The following PLD5 variants were observed in gnomAD, a reference collection of about 807,000 sequenced individuals.
PLD5 encodes inactive phospholipase D5.
PLD5 carries 36 observed loss-of-function variants against 61.1 expected under a neutral mutation model. The observed-to-expected ratio is 0.59, with a 90% CI of 0.45 to 0.78. The LOEUF (loss-of-function observed/expected upper bound fraction) is 0.78. Ranked by LOEUF, PLD5 falls within the 30% of genes least tolerant of loss-of-function variation. The pLI is 0.00. For missense variants in PLD5, 515 were observed against 644.4 expected (o/e 0.80, Z 2.17); for synonymous variants, 243 against 242.8 (o/e 1.00, Z -0.01).
At chr1:242,244,690 A>T (rs1672260594) in intron 4 of PLD5, among the ~76,000 whole-genome samples, 1 of 152,232 alleles carries the variant, frequency 6.6e-6, no homozygotes, top group Non-Finnish European at 1.5e-5. Context: ...AAAATTCAGC[A>T]GAGCTCACCA....
chr1:242,330,427 T>C (rs960711710), intron 2 of PLD5, among the ~76,000 whole-genome samples: 9 of 152,170 alleles, frequency 5.9e-5, no homozygotes, highest in African/African-American at 1.9e-4. Flanking sequence ...AAGCCTGGAA[T>C]TGTTTGAATC....
Position 242,253,344 on chromosome 1 carries a change from G to T in PLD5, c.607+11993C>A, listed in dbSNP as rs188848487. On this transcript the variant is annotated intron_variant, in intron 4 of 9. Transcript: ENST00000536534. ...TTTTTTTTTTTTAAGACGGAGTCTCGCTCTGTCGCCCAGGCTGGAGTGCAG... is the reference window on the plus strand; with the variant it reads ...TTTTTTTTTTTTAAGACGGAGTCTCTCTCTGTCGCCCAGGCTGGAGTGCAG... Among the ~76,000 whole-genome samples, 799 of 123,314 alleles carry T rather than the reference G, an allele frequency of 6.5e-3. 9 individuals carry two copies. Among genetic ancestry groups the T allele is most frequent in the Non-Finnish European group, 9.6e-3 (599 of 62,326 alleles). The allele number at this position is 123,314 out of a possible 152,430, so 80.9% of individuals were successfully genotyped here. A position where few individuals can be genotyped will look rare whatever the true frequency, so the allele number is the denominator to read the frequency against.
chr1:242,469,180 C>T (rs1667365435), intron 1 of PLD5, among the ~76,000 whole-genome samples: 1 of 152,220 alleles, frequency 6.6e-6, no homozygotes, highest in Admixed American at 6.5e-5. Context: ...AAGTGCATTT[C>T]TACAAGTGGG....
At chr1:242,293,781 A>G (rs550578521) in intron 2 of PLD5, among the ~76,000 whole-genome samples, 31 of 152,274 alleles carry the variant, frequency 2.0e-4, no homozygotes, top group African/African-American at 7.5e-4. Context: ...TAATGATCCT[A>G]TTTACCTGCT....
At chr1:242,098,756 T>A (rs573753995) in intron 9 of PLD5, among the ~76,000 whole-genome samples, 5 of 152,274 alleles carry the variant, frequency 3.3e-5, no homozygotes, top group Admixed American at 2.0e-4. Flanking sequence ...GTCCTTTCTG[T>A]TTGTTAGTTT....
chr1:242,526,728 A>G (rs1473347300), upstream of PLD5, among the ~76,000 whole-genome samples: 5 of 152,060 alleles, frequency 3.3e-5, no homozygotes, highest in Non-Finnish European at 5.9e-5. Flanking sequence ...TTATTATTAC[A>G]CTTTGCCCTA....
At chr1:242,483,004 A>G (rs1158616823) in intron 1 of PLD5, among the ~76,000 whole-genome samples, 2 of 152,228 alleles carry the variant, frequency 1.3e-5, no homozygotes, top group Non-Finnish European at 2.9e-5. Flanking sequence ...AGACAAGCAA[A>G]TGCTGAGAAA....
chr1:242,433,280 C>T (rs1432438298), intron 1 of PLD5, among the ~76,000 whole-genome samples: 1 of 152,082 alleles, frequency 6.6e-6, no homozygotes, highest in African/African-American at 2.4e-5. Context: ...TTGCAAAAAC[C>T]ACACAAGTAT....
intron 5 of PLD5, among the ~76,000 whole-genome samples, chr1:242,173,509 C>G (rs1290418205): frequency 6.6e-6 from 1 of 152,146 alleles, no homozygotes; most frequent in Non-Finnish European, 1.5e-5. Context: ...CCATCCCCAT[C>G]AAGCTACCAA....
chr1:242,202,133 G>A (rs764065849), intron 5 of PLD5, among the ~76,000 whole-genome samples: 8 of 152,144 alleles, frequency 5.3e-5, no homozygotes, highest in South Asian at 2.1e-4. Context: ...AGAATCACTC[G>A]AACCCAGCAG....
intron 1 of PLD5, among the ~76,000 whole-genome samples, chr1:242,447,470 C>A (rs1666591380): frequency 6.6e-6 from 1 of 152,252 alleles, no homozygotes; most frequent in Non-Finnish European, 1.5e-5. Flanking sequence ...TCAGTGGTCT[C>A]TTACTCACTA....
intron 1 of PLD5, among the ~76,000 whole-genome samples, chr1:242,488,074 G>A (rs1237884225): frequency 6.6e-6 from 1 of 152,104 alleles, no homozygotes; most frequent in Non-Finnish European, 1.5e-5. Context: ...CAATATCAAT[G>A]CTCACAAAGA....
chr1:242,239,908 G>T (rs781542946), intron 4 of PLD5, among the ~76,000 whole-genome samples: 3 of 152,132 alleles, frequency 2.0e-5, no homozygotes, highest in Non-Finnish European at 4.4e-5. Flanking sequence ...ACTGTACTTG[G>T]GCAAATTTGT....
At chr1:242,310,854 G>A (rs1419054388) in intron 2 of PLD5, among the ~76,000 whole-genome samples, 4 of 152,212 alleles carry the variant, frequency 2.6e-5, no homozygotes, top group African/African-American at 9.6e-5. Context: ...TGCTTTTCAA[G>A]GTAGCAAGGT....
rs184456187 is a variant in PLD5 at position 242,348,782 on chromosome 1, C to T, written c.190-540G>A. On this transcript the variant is annotated intron_variant, in intron 1 of 9. Coordinates refer to ENST00000536534, the MANE Select transcript of PLD5 (RefSeq NM_001372062.1). ...AAAACATCAATCAATAGGCCGGGCG[C>T]GGTGGCTCATGCCTGTAATCCTAGC... 1.6e-4 allele frequency among the ~76,000 whole-genome samples: 24 copies of T among 152,200 alleles called. No individual in the cohort carries two copies. In the East Asian group the frequency reaches 1.7e-3, roughly 11 times the overall value.
At chr1:242,465,381 AC>A (rs1457714563) in intron 1 of PLD5, among the ~76,000 whole-genome samples, 1 of 152,156 alleles carries the variant, frequency 6.6e-6, no homozygotes, top group Non-Finnish European at 1.5e-5. Flanking sequence ...TACTCTTATC[AC>A]CTTATAACCT....
At chr1:242,228,959 G>A (rs550622291) in intron 4 of PLD5, among the ~76,000 whole-genome samples, 1 of 152,120 alleles carries the variant, frequency 6.6e-6, no homozygotes, top group African/African-American at 2.4e-5. Context: ...CTATTCTTAC[G>A]GTATTAACCA....
chr1:242,247,776 T>C (rs1041811845), intron 4 of PLD5, among the ~76,000 whole-genome samples: 1 of 152,196 alleles, frequency 6.6e-6, no homozygotes, highest in Non-Finnish European at 1.5e-5. Context: ...AATGTGATTT[T>C]TGGATGATTG....
intron 1 of PLD5, among the ~76,000 whole-genome samples, chr1:242,466,721 T>C (rs1667288335): frequency 6.6e-6 from 1 of 152,044 alleles, no homozygotes; most frequent in South Asian, 2.1e-4. Flanking sequence ...GGTGAAACCC[T>C]GTCTCTATTA....
Sources: allele counts gnomAD v4.1 joint callset (sites outside exome capture counted in the v4.1 genomes callset), GRCh38; gene constraint gnomAD v4.1.1; transcripts MANE v1.5; gene names NCBI Gene and HGNC (gene_info 2026-07-23, HGNC 2026-07-21).